ADAMTS17: variants seen among roughly 807,000 people sequenced by gnomAD.
ADAMTS17 encodes A disintegrin and metalloproteinase with thrombospondin motifs 17.
In ADAMTS17, 113 loss-of-function variants were observed where a neutral mutation model predicts 141.5. The ratio of observed to expected loss-of-function variants is 0.80; its 90% CI spans 0.69 to 0.93. The LOEUF (loss-of-function observed/expected upper bound fraction) is 0.93. Among genes scored for constraint, ADAMTS17 ranks in the 40% least tolerant of loss-of-function variants. The probability of loss-of-function intolerance (pLI) is 0.00; values close to 1 mark genes in which losing one functional copy is unlikely to be tolerated. For synonymous variants in ADAMTS17, 768 were observed against 630.6 expected (o/e 1.22, Z -3.27); for missense variants, 1,659 against 1,517.9 (o/e 1.09, Z -1.54).
rs117279171 is a variant in ADAMTS17 at position 100,330,781 on chromosome 15, T to C, written c.616+108A>G. On this transcript the variant is annotated intron_variant, in intron 3 of 21. Coordinates refer to ENST00000268070, the MANE Select transcript of ADAMTS17 (RefSeq NM_139057.4). ...GGGCAATAAAACAGCTTTTGAAATA[T>C]AGGGGAAGGTAAGTTCTCACTCATG... The C allele has an allele frequency of 1.9e-3, 2,618 of 1,404,896 alleles. 67 individuals are homozygous for C. The Admixed American group carries it at 0.041, about 22-fold the overall frequency. The allele number at this position is 1,404,896 out of a possible 1,614,324, so 87.0% of individuals were successfully genotyped here. A position where few individuals can be genotyped will look rare whatever the true frequency, so the allele number is the denominator to read the frequency against.
In ADAMTS17 at chr15:100,196,727, C is replaced by T. The variant is rs539320030; in HGVS notation, c.1181+2591G>A. 4.6e-5 allele frequency among the ~76,000 whole-genome samples: 7 copies of T among 152,320 alleles called. No homozygotes were observed. The East Asian group carries it at 7.7e-4, about 17-fold the overall frequency. ...TTTCGTGTCTGTGAAACAGCCTGGC[C>T]GGTGGCTTTGCTGAGAGTGCAGGTT... On this transcript the variant is annotated intron_variant, in intron 8 of 21. Coordinates refer to ENST00000268070, the MANE Select transcript of ADAMTS17 (RefSeq NM_139057.4).
At chr15:100,162,441 CAT>C (rs1341060196) in intron 8 of ADAMTS17, among the ~76,000 whole-genome samples, 39 of 134,850 alleles carry the variant, frequency 2.9e-4, no homozygotes, top group South Asian at 6.8e-4. Context: ...TATATATACA[CAT>C]ATAGTTATAT....
chr15:100,261,561 C>T lies in ADAMTS17; in HGVS notation c.949G>A (p.Gly317Arg). ...TGGTTATTGCCGAGGTATCGCGCTC[C>T]TCCATACTCCTCGTTCTGCCAGTGA... The part of the protein sequence containing the change: ...FCHWQNEEYG[G>R]ARYLGNNQVP... Residue 317 changes from glycine (G) to arginine (R), a missense_variant, in exon 6 of 22, where the codon GGA (glycine) becomes AGA (arginine). Physicochemically the swap from Gly to Arg is moderately radical, Grantham distance 125 (BLOSUM62 -2). Transcript: ENST00000268070. 4 of 1,614,214 alleles carry T rather than the reference C, an allele frequency of 2.5e-6. No homozygotes were observed. Among genetic ancestry groups the T allele is most frequent in the African/African-American group, 1.3e-5 (1 of 75,052 alleles).
At chr15:100,335,765 G>A (rs2046190205) in intron 2 of ADAMTS17, among the ~76,000 whole-genome samples, 1 of 152,230 alleles carries the variant, frequency 6.6e-6, no homozygotes, top group African/African-American at 2.4e-5. Context: ...CAGCCTTGCA[G>A]GGCTATGTTA....
intron 8 of ADAMTS17, among the ~76,000 whole-genome samples, chr15:100,198,424 A>G (rs1259731586): frequency 6.6e-6 from 1 of 152,232 alleles, no homozygotes. Context: ...GATTCCAGGC[A>G]TCTTACTGTG....
At chr15:100,048,363 A>G (rs2031873381) in intron 18 of ADAMTS17, among the ~76,000 whole-genome samples, 1 of 152,188 alleles carries the variant, frequency 6.6e-6, no homozygotes, top group South Asian at 2.1e-4. Flanking sequence ...CAAGGGTAAC[A>G]CGGCCATGAA....
At chr15:100,188,980 G>A (rs945075109) in intron 8 of ADAMTS17, among the ~76,000 whole-genome samples, 58 of 152,166 alleles carry the variant, frequency 3.8e-4, no homozygotes, top group Non-Finnish European at 3.7e-4. Context: ...ACTGAGCATC[G>A]GACTGAGGAA....
chr15:99,987,454 T>C (rs958788923), intron 20 of ADAMTS17, among the ~76,000 whole-genome samples: 1 of 152,146 alleles, frequency 6.6e-6, no homozygotes, highest in East Asian at 1.9e-4. Context: ...TTTGGGCACT[T>C]TGTCTGCTGC....
rs538746528 is a variant in ADAMTS17 at position 100,163,044 on chromosome 15, A to G, written c.1182-7724T>C. Among the ~76,000 whole-genome samples, 20 of 148,272 alleles carry G rather than the reference A, an allele frequency of 1.3e-4. No homozygotes were observed. The South Asian group carries it at 1.7e-3, about 12-fold the overall frequency. ...TATATATGTATATATATGTGTATATATAACTATATATGTATATATATGTGT... is the reference window on the plus strand; with the variant it reads ...TATATATGTATATATATGTGTATATGTAACTATATATGTATATATATGTGT... On this transcript the variant is annotated intron_variant, in intron 8 of 21. Transcript: ENST00000268070.
intron 20 of ADAMTS17, among the ~76,000 whole-genome samples, chr15:99,992,208 A>G (rs886842065): frequency 2.0e-5 from 3 of 152,108 alleles, no homozygotes; most frequent in African/African-American, 7.2e-5. Context: ...ACTAATTCCA[A>G]CATGTTTAAG....
chr15:99,984,192 G>A (rs2060536750), intron 20 of ADAMTS17, among the ~76,000 whole-genome samples: 1 of 152,198 alleles, frequency 6.6e-6, no homozygotes, highest in Non-Finnish European at 1.5e-5. Flanking sequence ...GAACCAGGAG[G>A]CTGAGGTGAC....
In ADAMTS17 at chr15:99,974,436, G is replaced by A. The variant is rs767614213; in HGVS notation, c.3254C>T (p.Ala1085Val). The change falls in exon 22 of 22, where the codon GCA becomes GTA. Residue 1085 changes from alanine to valine, a missense_variant. By Grantham distance (64) the Ala-to-Val change is moderately conservative. Transcript: ENST00000268070. ...CGGCGGTGGCTGGCGCATCTTGTTTGCATAGAAGTCCCTGCAGGTCTGGCA... is the reference window on the plus strand; with the variant it reads ...CGGCGGTGGCTGGCGCATCTTGTTTACATAGAAGTCCCTGCAGGTCTGGCA... ...RCCQTCRDFYANKMRQPPPNS is the reference protein window; with the variant it reads ...RCCQTCRDFYVNKMRQPPPNS The A allele has an allele frequency of 6.2e-7, 1 of 1,614,196 alleles. No individual in the cohort carries two copies. The highest frequency in any genetic ancestry group is 8.5e-7 in the Non-Finnish European group (1 of 1,180,040).
intron 10 of ADAMTS17, among the ~76,000 whole-genome samples, chr15:100,150,704 C>T (rs1388042669): frequency 6.6e-6 from 1 of 152,158 alleles, no homozygotes; most frequent in Non-Finnish European, 1.5e-5. Context: ...CCCTGTAGGG[C>T]CAGCTCAGCC....
intron 15 of ADAMTS17, among the ~76,000 whole-genome samples, chr15:100,079,890 G>A (rs892536541): frequency 6.6e-6 from 1 of 152,132 alleles, no homozygotes; most frequent in Non-Finnish European, 1.5e-5. Context: ...GAATTCACTG[G>A]TCTTACCATG....
chr15:100,209,182 C>T (rs1203974651), intron 7 of ADAMTS17, among the ~76,000 whole-genome samples: 3 of 150,422 alleles, frequency 2.0e-5, no homozygotes, highest in Non-Finnish European at 4.4e-5. Flanking sequence ...GCATTTCTTG[C>T]TAAATGCTTA....
chr15:100,325,453 C>T (rs1264157587), intron 3 of ADAMTS17, among the ~76,000 whole-genome samples: 1 of 152,160 alleles, frequency 6.6e-6, no homozygotes, highest in Non-Finnish European at 1.5e-5. Flanking sequence ...CATGTGAAGA[C>T]ACAGGGAGAG....
chr15:100,156,535 G>T (rs527845200), intron 8 of ADAMTS17, among the ~76,000 whole-genome samples: 6 of 152,310 alleles, frequency 3.9e-5, no homozygotes, highest in Admixed American at 1.3e-4. Flanking sequence ...GTCAGTGGAG[G>T]GGGGGCATCC....
At chr15:100,034,263 G>A (rs918241110) in intron 18 of ADAMTS17, among the ~76,000 whole-genome samples, 1 of 152,226 alleles carries the variant, frequency 6.6e-6, no homozygotes, top group Non-Finnish European at 1.5e-5. Flanking sequence ...GCGTCTGCTG[G>A]CAAGAGACCA....
intron 10 of ADAMTS17, among the ~76,000 whole-genome samples, chr15:100,140,488 C>CATACATATACATATACATATATATATAT (rs1386955753): frequency 8.0e-6 from 1 of 124,936 alleles, no homozygotes; most frequent in African/African-American, 2.8e-5. Flanking sequence ...CACATACATA[C>CATACATATACATATACATATATATATAT]ATATATATAT....
Sources: gnomAD v4.1 joint callset for allele counts (sites outside exome capture counted in the v4.1 genomes callset) on GRCh38, gnomAD v4.1.1 for gene constraint, MANE v1.5 for transcripts, NCBI Gene and HGNC (gene_info 2026-07-23, HGNC 2026-07-21) for gene names.